The following NBEA variants were observed in gnomAD, a reference collection of about 807,000 sequenced individuals.
NBEA encodes the protein neurobeachin.
Under a neutral mutation model 343.4 loss-of-function variants are expected in NBEA, and 44 were observed. That is an observed-to-expected ratio of 0.13 (90% CI 0.10 to 0.16). The LOEUF (loss-of-function observed/expected upper bound fraction) is 0.16, where lower values mean the gene tolerates loss of function less well. NBEA is among the 10% of genes least tolerant of loss of function. The pLI is 1.00. For synonymous variants in NBEA, 1,175 were observed against 1,238.7 expected (o/e 0.95, Z 1.08); for missense variants, 2,555 against 3,631.3 (o/e 0.70, Z 7.62).
intron 13 of NBEA, among the ~76,000 whole-genome samples, chr13:35,113,607 A>G (rs888898673): frequency 2.0e-4 from 31 of 151,252 alleles, no homozygotes; most frequent in African/African-American, 6.9e-4. Context: ...CTATCTATCT[A>G]TCTATCTATC....
At chr13:35,445,606 T>C (rs945251543) in intron 39 of NBEA, among the ~76,000 whole-genome samples, 6 of 151,880 alleles carry the variant, frequency 4.0e-5, no homozygotes, top group African/African-American at 1.2e-4. Flanking sequence ...ACTTAACTAA[T>C]GTGCATGTAA....
chr13:35,024,009 G>C (rs1025848738), intron 1 of NBEA, among the ~76,000 whole-genome samples: 1 of 152,136 alleles, frequency 6.6e-6, no homozygotes, highest in Non-Finnish European at 1.5e-5. Context: ...CCTGGTGTCT[G>C]TTGTTCCCCT....
At chr13:35,079,273 C>T (rs952147330) in intron 10 of NBEA, among the ~76,000 whole-genome samples, 6 of 152,038 alleles carry the variant, frequency 3.9e-5, no homozygotes, top group African/African-American at 7.2e-5. Context: ...GGTAACTTCT[C>T]GTTGAATTAA....
At chr13:35,349,554 T>C (rs977126891) in intron 37 of NBEA, among the ~76,000 whole-genome samples, 5 of 152,148 alleles carry the variant, frequency 3.3e-5, no homozygotes, top group African/African-American at 7.2e-5. Context: ...TAGGTAGATA[T>C]GAGTATATGA....
chr13:35,261,406 G>A (rs2033204192), intron 34 of NBEA, among the ~76,000 whole-genome samples: 1 of 152,106 alleles, frequency 6.6e-6, no homozygotes, highest in Admixed American at 6.5e-5. Context: ...AGCTGCTAGG[G>A]ATGCTGAGGC....
intron 45 of NBEA, among the ~76,000 whole-genome samples, chr13:35,572,162 T>C (rs1282925141): frequency 6.6e-6 from 1 of 152,186 alleles, no homozygotes; most frequent in Non-Finnish European, 1.5e-5. Context: ...TTTATATAGG[T>C]ATTCCTTATG....
At chr13:34,980,706 A>G (rs1303850582) in intron 1 of NBEA, among the ~76,000 whole-genome samples, 6 of 152,044 alleles carry the variant, frequency 3.9e-5, no homozygotes, top group Non-Finnish European at 1.5e-5. Context: ...ATTGGTTACT[A>G]TTTGATCATT....
At chr13:35,295,095 A>C in intron 35 of NBEA, among the ~76,000 whole-genome samples, 1 of 148,736 alleles carries the variant, frequency 6.7e-6, no homozygotes, top group Non-Finnish European at 1.5e-5. Context: ...TTAAGTGGCC[A>C]GGCAATGTAT....
chr13:35,666,044 G>T (rs1315477646), intron 56 of NBEA, among the ~76,000 whole-genome samples: 1 of 152,176 alleles, frequency 6.6e-6, no homozygotes, highest in Non-Finnish European at 1.5e-5. Context: ...GGAGCCTGAT[G>T]CTTGGAGAAA....
intron 56 of NBEA, 52 bp from the exon 57 acceptor site, chr13:35,667,322 A>G: frequency 1.4e-6 from 2 of 1,474,148 alleles, no homozygotes; most frequent in Non-Finnish European, 1.9e-6. Flanking sequence ...GGGAGCTAGT[A>G]TGTCGTTTGT....
chr13:35,098,121 C>T (rs1451015758), intron 10 of NBEA, among the ~76,000 whole-genome samples, 176 bp from the exon 11 acceptor site: 1 of 152,052 alleles, frequency 6.6e-6, no homozygotes, highest in African/African-American at 2.4e-5. Flanking sequence ...CAGTAGTTTT[C>T]TCATGCTTAT....
intron 49 of NBEA, among the ~76,000 whole-genome samples, chr13:35,644,606 G>T (rs1186614920): frequency 6.6e-6 from 1 of 152,182 alleles, no homozygotes; most frequent in Non-Finnish European, 1.5e-5. Context: ...GTAAAAACAG[G>T]AGTAGTAGTA....
At chr13:34,945,561 A>G (rs2059161880) in intron 1 of NBEA, among the ~76,000 whole-genome samples, 1 of 152,124 alleles carries the variant, frequency 6.6e-6, no homozygotes, top group Non-Finnish European at 1.5e-5. Context: ...TTAAATCTAA[A>G]ATGATTTTTT....
chr13:35,241,464 A>G (rs1310435315), intron 34 of NBEA, among the ~76,000 whole-genome samples: 1 of 151,886 alleles, frequency 6.6e-6, no homozygotes, highest in African/African-American at 2.4e-5. Context: ...ATGTTTCAGG[A>G]GAAAAAAACA....
At chr13:35,661,976 G>GTGT (rs1413811974) in intron 55 of NBEA, among the ~76,000 whole-genome samples, 4 of 152,082 alleles carry the variant, frequency 2.6e-5, no homozygotes, top group Admixed American at 6.6e-5. Context: ...AAAGACCACA[G>GTGT]CTTCCCCTGC....
At chr13:35,451,941 A>C in intron 39 of NBEA, 151 bp from the exon 40 acceptor site, 1 of 638,858 alleles carries the variant, frequency 1.6e-6, no homozygotes, top group South Asian at 2.3e-5. Context: ...CAGAAAACCA[A>C]ACAAGATAAA....
chr13:35,065,196 G>A lies in NBEA; in HGVS notation c.1240-4712G>A, dbSNP rs557428061. On this transcript the variant is annotated intron_variant, in intron 8 of 58. Coordinates refer to ENST00000379939, the MANE Select transcript of NBEA (RefSeq NM_001385012.1). ...TGCATTTTGATACTAGTTTGTAAGGGGCTTTATACTTTATACTTGAAAGCC... is the reference window on the plus strand; with the variant it reads ...TGCATTTTGATACTAGTTTGTAAGGAGCTTTATACTTTATACTTGAAAGCC... Among the ~76,000 whole-genome samples the A allele has an allele frequency of 1.5e-3, 235 of 151,678 alleles. 1 individual carries two copies. The highest frequency in any genetic ancestry group is 7.8e-4 in the East Asian group (4 of 5,140).
At chr13:35,605,575 G>A (rs2082249903) in intron 47 of NBEA, among the ~76,000 whole-genome samples, 1 of 152,194 alleles carries the variant, frequency 6.6e-6, no homozygotes, top group Middle Eastern at 3.4e-3. Flanking sequence ...GATCAGGATG[G>A]TACACATAAA....
In NBEA at chr13:35,112,826, A is replaced by G. The variant is rs537744978; in HGVS notation, c.2002+1848A>G. 3.2e-4 allele frequency among the ~76,000 whole-genome samples: 48 copies of G among 152,290 alleles called. No homozygotes were observed. In the South Asian group the frequency reaches 8.9e-3, roughly 28 times the overall value. ...ATTCGATTGGTAATAAATTGTAGAC[A>G]TGATACTCTGTCACCTCTAAATACT... On this transcript the variant is annotated intron_variant, in intron 13 of 58. Coordinates refer to ENST00000379939, the MANE Select transcript of NBEA (RefSeq NM_001385012.1).
Sources: gnomAD v4.1 joint callset for allele counts (sites outside exome capture counted in the v4.1 genomes callset) on GRCh38, gnomAD v4.1.1 for gene constraint, MANE v1.5 for transcripts, NCBI Gene and HGNC (gene_info 2026-07-23, HGNC 2026-07-21) for gene names.